Variants in LTBP1 observed in about 807,000 individuals in gnomAD.
The protein encoded by LTBP1 is latent-transforming growth factor beta-binding protein 1.
In LTBP1, 129 loss-of-function variants were observed where a neutral mutation model predicts 207.6. That is an observed-to-expected ratio of 0.62 (90% CI 0.54 to 0.72). LTBP1 has a LOEUF of 0.72. Among genes scored for constraint, LTBP1 ranks in the 30% least tolerant of loss-of-function variants. The pLI, the probability that LTBP1 is intolerant of heterozygous loss-of-function variation, is 0.00. For synonymous variants in LTBP1, 963 were observed against 833.7 expected (o/e 1.16, Z -2.67); for missense variants, 2,281 against 2,217.2 (o/e 1.03, Z -0.58).
At chr2:32,970,852 G>A (rs1032377569) in intron 2 of LTBP1, among the ~76,000 whole-genome samples, 2 of 151,784 alleles carry the variant, frequency 1.3e-5, no homozygotes, top group Admixed American at 6.6e-5. Flanking sequence ...TGGGCAGTAT[G>A]GTCATTTTAA....
chr2:33,129,964 T>C (rs962199068), intron 4 of LTBP1, among the ~76,000 whole-genome samples: 1 of 152,124 alleles, frequency 6.6e-6, no homozygotes, highest in Non-Finnish European at 1.5e-5. Flanking sequence ...GGTGAAGTAA[T>C]AGATTTGATA....
In LTBP1 at chr2:33,168,399, CAAAAAAA is replaced by C. The variant is rs10616798; in HGVS notation, c.1202-18446_1202-18440del. 1.9e-4 allele frequency among the ~76,000 whole-genome samples: 20 copies of C among 103,808 alleles called. No homozygotes were observed. The East Asian group carries it at 2.6e-3, about 14-fold the overall frequency. 68.1% of individuals were successfully genotyped at this position (103,808 alleles called of 152,430 possible). ...ACAAAGTGAGACCCTGTCTTTGTCT[CAAAAAAA>C]AAAAAAAAAAGAAAAAAGAAAAAAA... On this transcript the variant is annotated intron_variant, in intron 5 of 33. Coordinates refer to ENST00000404816, the MANE Select transcript of LTBP1 (RefSeq NM_206943.4).
chr2:33,154,435 A>G (rs981629517), intron 5 of LTBP1, among the ~76,000 whole-genome samples: 4 of 152,138 alleles, frequency 2.6e-5, no homozygotes, highest in African/African-American at 9.7e-5. Context: ...GCATATGTGT[A>G]TATATATCCT....
chr2:33,233,095 A>C (rs1312564590), intron 9 of LTBP1, among the ~76,000 whole-genome samples: 2 of 152,110 alleles, frequency 1.3e-5, no homozygotes, highest in African/African-American at 4.8e-5. Flanking sequence ...TCTTTCCTCA[A>C]ATTTGAAAAG....
chr2:33,096,156 A>G (rs890840773), intron 3 of LTBP1, among the ~76,000 whole-genome samples: 2 of 152,228 alleles, frequency 1.3e-5, no homozygotes, highest in African/African-American at 4.8e-5. Context: ...TATTACATAG[A>G]TTGGAACAAT....
At chr2:33,176,864 T>G (rs902521791) in intron 5 of LTBP1, among the ~76,000 whole-genome samples, 1 of 152,202 alleles carries the variant, frequency 6.6e-6, no homozygotes, top group African/African-American at 2.4e-5. Flanking sequence ...CTTTTATATG[T>G]TCTTCTCATT....
intron 13 of LTBP1, among the ~76,000 whole-genome samples, chr2:33,260,112 T>C (rs2092971001): frequency 6.6e-6 from 1 of 152,190 alleles, no homozygotes; most frequent in African/African-American, 2.4e-5. Context: ...AGAATGTTGC[T>C]TTTTGAAAAG....
chr2:33,091,001 C>G (rs1210973517), intron 3 of LTBP1, among the ~76,000 whole-genome samples: 1 of 152,156 alleles, frequency 6.6e-6, no homozygotes, highest in Non-Finnish European at 1.5e-5. Flanking sequence ...CCATAGTGTG[C>G]ACAGACTTCT....
chr2:33,328,634 G>A (rs1241375924), intron 24 of LTBP1, among the ~76,000 whole-genome samples: 1 of 152,132 alleles, frequency 6.6e-6, no homozygotes, highest in African/African-American at 2.4e-5. Flanking sequence ...AACAGCATTG[G>A]AGAAACCGCT....
intron 4 of LTBP1, among the ~76,000 whole-genome samples, chr2:33,119,136 A>G (rs1395737061): frequency 6.6e-6 from 1 of 150,886 alleles, no homozygotes; most frequent in African/African-American, 2.4e-5. Flanking sequence ...TCAATACTGT[A>G]TGGCTCCAGA....
At chr2:33,039,661 G>A (rs2076090914) in intron 3 of LTBP1, among the ~76,000 whole-genome samples, 2 of 152,154 alleles carry the variant, frequency 1.3e-5, no homozygotes, top group African/African-American at 4.8e-5. Flanking sequence ...ATTATATGTT[G>A]TGTTTGTGGG....
rs142848299 is a variant in LTBP1, at chr2:33,181,530, C to T, written c.1202-5326C>T. 1.6e-3 allele frequency among the ~76,000 whole-genome samples: 250 copies of T among 152,258 alleles called. 2 individuals carry two copies. The highest frequency in any genetic ancestry group is 5.8e-3 in the African/African-American group (239 of 41,546). On this transcript the variant is annotated intron_variant, in intron 5 of 33. Coordinates refer to ENST00000404816, the MANE Select transcript of LTBP1 (RefSeq NM_206943.4). The stretch of plus-strand genomic sequence containing the variant: ...TGTACCGTGAGATACTTTGAGTGAC[C>T]GTCACAAAATTACACTTTCTGGAGT...
chr2:33,187,482 T>C (rs2087338347), intron 6 of LTBP1, among the ~76,000 whole-genome samples: 1 of 151,882 alleles, frequency 6.6e-6, no homozygotes, highest in Admixed American at 6.5e-5. Flanking sequence ...TGAAGAATGC[T>C]TGGTTTTAGT....
intron 3 of LTBP1, among the ~76,000 whole-genome samples, chr2:33,023,389 C>G (rs1217527392): frequency 6.6e-6 from 1 of 151,598 alleles, no homozygotes; most frequent in Non-Finnish European, 1.5e-5. Flanking sequence ...TTTTTCCTTC[C>G]TTTTGGTAGC....
intron 2 of LTBP1, among the ~76,000 whole-genome samples, chr2:32,955,057 A>C (rs183427107): frequency 5.0e-4 from 76 of 152,334 alleles, no homozygotes; most frequent in Middle Eastern, 3.4e-3. Context: ...TGTTAAATTC[A>C]ACAAATTGAA....
intron 3 of LTBP1, among the ~76,000 whole-genome samples, chr2:33,063,881 T>G: frequency 6.6e-6 from 1 of 150,598 alleles, no homozygotes; most frequent in East Asian, 2.0e-4. Flanking sequence ...TGAGATGGAG[T>G]CTCGCTCTGT....
chr2:33,103,254 C>G (rs1243841492), intron 3 of LTBP1, among the ~76,000 whole-genome samples: 1 of 149,996 alleles, frequency 6.7e-6, no homozygotes. Flanking sequence ...TATGCAGTCT[C>G]TATGTTGTAT....
At chr2:33,391,260 C>T in intron 32 of LTBP1, among the ~76,000 whole-genome samples, 1 of 128,704 alleles carries the variant, frequency 7.8e-6, no homozygotes, top group South Asian at 3.1e-4. Context: ...ACCCCCCTCC[C>T]TAGGGTAACC....
intron 24 of LTBP1, among the ~76,000 whole-genome samples, chr2:33,320,886 CTG>C (rs1047001959): frequency 6.6e-6 from 1 of 152,130 alleles, no homozygotes; most frequent in African/African-American, 2.4e-5. Context: ...TGAAAACTCT[CTG>C]TGTAATCTTA....
Sources: gnomAD v4.1 joint callset for allele counts (sites outside exome capture counted in the v4.1 genomes callset) on GRCh38, gnomAD v4.1.1 for gene constraint, MANE v1.5 for transcripts, NCBI Gene and HGNC (gene_info 2026-07-23, HGNC 2026-07-21) for gene names.